SIK3: variants seen among roughly 807,000 people sequenced by gnomAD.
SIK3 encodes the protein SIK family kinase 3, also known as serine/threonine-protein kinase SIK3.
A neutral mutation model predicts 144.2 loss-of-function variants in SIK3; 28 were observed. That is an observed-to-expected ratio of 0.19 (90% CI 0.14 to 0.27). The LOEUF (loss-of-function observed/expected upper bound fraction) is 0.27, where lower values mean the gene tolerates loss of function less well. Among genes scored for constraint, SIK3 ranks in the 10% least tolerant of loss-of-function variants. The pLI is 1.00. For missense variants in SIK3, 1,319 were observed against 1,776.0 expected, an observed-to-expected ratio of 0.74 and a Z score of 4.62; for synonymous variants, 686 against 676.3, an observed-to-expected ratio of 1.01 and a Z score of -0.22.
chr11:116,961,071 C>T (rs908910620), intron 1 of SIK3, among the ~76,000 whole-genome samples: 1 of 152,196 alleles, frequency 6.6e-6, no homozygotes, highest in African/African-American at 2.4e-5. Context: ...AAAAAATAAA[C>T]GCATTCCATT....
At chr11:117,009,232 C>CA (rs397848244) in intron 1 of SIK3, among the ~76,000 whole-genome samples, 1,107 of 78,406 alleles carry the variant, frequency 0.014, 15 homozygotes, top group East Asian at 0.064. Flanking sequence ...GACACTGTCT[C>CA]AAAAAAAAAA....
At chr11:116,915,636 G>A (rs116538373) in intron 4 of SIK3, among the ~76,000 whole-genome samples, 36 of 152,206 alleles carry the variant, frequency 2.4e-4, no homozygotes, top group African/African-American at 8.4e-4. Context: ...TATTTTGTGT[G>A]TATGTATGTA....
At chr11:116,979,893 G>T (rs929096383) in intron 1 of SIK3, among the ~76,000 whole-genome samples, 21 of 151,860 alleles carry the variant, frequency 1.4e-4, no homozygotes, top group African/African-American at 2.4e-4. Flanking sequence ...AAGGCATAAG[G>T]GATCCTAAGA....
At chr11:116,997,151 G>C (rs1950697974) in intron 1 of SIK3, among the ~76,000 whole-genome samples, 2 of 152,164 alleles carry the variant, frequency 1.3e-5, no homozygotes, top group Admixed American at 6.5e-5. Flanking sequence ...ACCTCTTTAA[G>C]ATATCTTCAC....
At chr11:116,873,357 TC>T in intron 13 of SIK3, 123 bp downstream of exon 13, 1 of 1,325,654 alleles carries the variant, frequency 7.5e-7, no homozygotes, top group Non-Finnish European at 1.1e-6. Context: ...GGCTGGAGCA[TC>T]CTAAGTTTGG....
At position 117,027,606 on chromosome 11, in the gene SIK3, G is replaced by A. The variant is rs377639884; in HGVS notation, c.273+70537C>T. Among the ~76,000 whole-genome samples, 92 of 151,968 alleles carry A rather than the reference G, an allele frequency of 6.1e-4. 4 individuals are homozygous for A. In the South Asian group the frequency reaches 0.019, roughly 31 times the overall value. ...GCCTCCCGAGTAGCTGGGATTACAC[G>A]CGCCCGCCACCATGCCCAGCTAACT... On this transcript the variant is annotated intron_variant, in intron 1 of 24. Coordinates refer to ENST00000445177, the MANE Select transcript of SIK3 (RefSeq NM_001366686.3).
rs1454839805 is a variant in SIK3 at position 116,846,836 on chromosome 11, G to A, written c.3953-283C>T. 6.6e-6 allele frequency among the ~76,000 whole-genome samples: 1 copy of A among 152,174 alleles called. No individual in the cohort carries two copies. Among genetic ancestry groups the A allele is most frequent in the African/African-American group, 2.4e-5 (1 of 41,446 alleles). On this transcript the variant is annotated intron_variant, in intron 23 of 24. Coordinates refer to ENST00000445177, the MANE Select transcript of SIK3 (RefSeq NM_001366686.3). This position sits in a 1 kb window ranked among gnomAD's most constrained non-coding sequence, Gnocchi z 4.1. Reference sequence around the variant, plus strand: ...CTACTGTAGTGTGAGAGAAGATAGAGGACTCCTTCAGAAAGGATCACCTCT... The same window carrying A: ...CTACTGTAGTGTGAGAGAAGATAGAAGACTCCTTCAGAAAGGATCACCTCT...
intron 4 of SIK3, among the ~76,000 whole-genome samples, chr11:116,917,870 G>GGAAAGGAAAGGAAAC (rs1441421866): frequency 6.6e-6 from 1 of 151,580 alleles, no homozygotes; most frequent in Admixed American, 6.6e-5. Flanking sequence ...GGAAAGGAAA[G>GGAAAGGAAAGGAAAC]GGAGAAACAA....
intron 3 of SIK3, among the ~76,000 whole-genome samples, chr11:116,927,961 T>C (rs1947371112): frequency 6.6e-6 from 1 of 152,238 alleles, no homozygotes; most frequent in Non-Finnish European, 1.5e-5. Context: ...TGCATAGCGA[T>C]ATACCTACAT....
intron 6 of SIK3, among the ~76,000 whole-genome samples, chr11:116,886,262 G>A (rs938348619): frequency 4.6e-5 from 7 of 152,138 alleles, no homozygotes; most frequent in East Asian, 1.9e-4. Context: ...TCTCTCTGGC[G>A]GTGCAGTGTG....
chr11:117,098,035 A>G (rs1216185586), intron 1 of SIK3, 108 bp downstream of exon 1: 3 of 1,152,188 alleles, frequency 2.6e-6, no homozygotes, highest in African/African-American at 3.4e-5. Context: ...CCGGCCCCCA[A>G]CGCTCCCACC....
chr11:116,952,185 C>T (rs1948966145), intron 3 of SIK3, among the ~76,000 whole-genome samples: 3 of 152,014 alleles, frequency 2.0e-5, no homozygotes, highest in African/African-American at 4.8e-5. Flanking sequence ...TAGAATAAAA[C>T]TTGTAAAAAG....
At chr11:116,985,163 C>T (rs549674891) in intron 1 of SIK3, among the ~76,000 whole-genome samples, 3 of 152,108 alleles carry the variant, frequency 2.0e-5, no homozygotes, top group Non-Finnish European at 4.4e-5. Flanking sequence ...GCAAGACAGA[C>T]AATAGGGCAT....
chr11:116,861,354 G>C lies in SIK3; in HGVS notation c.2345C>G (p.Pro782Arg), dbSNP rs756103530. The change falls in exon 19 of 25, where the codon CCC becomes CGC. Residue 782 changes from proline to arginine, a missense_variant. Physicochemically the swap from Pro to Arg is moderately radical, Grantham distance 103. This residue lies in a region of SIK3 where 646 missense variants were observed against 763.7 expected (regional missense o/e 0.85). Transcript: ENST00000445177. ...RLRIQPSSPP[P>R]NHPNNHLFRQ... The stretch of plus-strand genomic sequence containing the variant: ...GAAGAGATGGTTGTTGGGGTGGTTG[G>C]GGGGTGGGCTTGAAGGCTGAATCCT... 30 of 1,597,548 alleles carry C rather than the reference G, an allele frequency of 1.9e-5. No individual in the cohort carries two copies. The highest frequency in any genetic ancestry group is 2.7e-5 in the African/African-American group (2 of 73,366).
chr11:116,844,603 A>ATATAT lies in SIK3; in HGVS notation c.*1035_*1039dup. On this transcript the variant is annotated 3_prime_UTR_variant, in exon 25 of 25. Coordinates refer to ENST00000445177, the MANE Select transcript of SIK3 (RefSeq NM_001366686.3). ...GAGCATATATATATATATTTTATATATATATTATATATATAATATATATAT... is the reference window on the plus strand; with the variant it reads ...GAGCATATATATATATATTTTATATATATATTATATTATATATATAATATATATAT... 1 of 58,288 alleles carries ATATAT rather than the reference A, an allele frequency of 1.7e-5. No homozygotes were observed. Among genetic ancestry groups the ATATAT allele is most frequent in the South Asian group, 3.3e-4 (1 of 3,018 alleles). The allele number at this position is 58,288 out of a possible 1,614,324, so 3.6% of individuals were successfully genotyped here.
chr11:117,002,680 C>G (rs889531790), intron 1 of SIK3, among the ~76,000 whole-genome samples: 1 of 152,066 alleles, frequency 6.6e-6, no homozygotes, highest in Non-Finnish European at 1.5e-5. Flanking sequence ...ATAATAAATA[C>G]ATTTTAACTT....
chr11:116,870,937 A>AAGATT (rs1283362321), intron 13 of SIK3, among the ~76,000 whole-genome samples: 3 of 152,202 alleles, frequency 2.0e-5, no homozygotes, highest in Admixed American at 2.0e-4. Context: ...AATACAGTAG[A>AAGATT]AGATTGTTTA....
chr11:116,875,749 A>C, intron 9 of SIK3, 117 bp downstream of exon 9: 2 of 1,235,042 alleles, frequency 1.6e-6, no homozygotes, highest in Non-Finnish European at 2.2e-6. Flanking sequence ...GACAAATGGG[A>C]GGAGACAGAG....
intron 3 of SIK3, among the ~76,000 whole-genome samples, chr11:116,940,358 T>G (rs750238864): frequency 1.3e-5 from 2 of 151,610 alleles, no homozygotes; most frequent in Non-Finnish European, 2.9e-5. Context: ...GCCTCCCGAG[T>G]AGGTGGGACT....
Sources: gnomAD v4.1 joint callset for allele counts (sites outside exome capture counted in the v4.1 genomes callset) on GRCh38, gnomAD v4.1.1 for gene constraint, gnomAD v4.1.1 regional missense constraint, Gnocchi (gnomAD v3.1) non-coding constraint, MANE v1.5 for transcripts, NCBI Gene and HGNC (gene_info 2026-07-23, HGNC 2026-07-21) for gene names.